Variants in TCF7L1 observed in about 807,000 individuals in gnomAD.
The protein encoded by TCF7L1 is transcription factor 7 like 1.
A neutral mutation model predicts 63.7 loss-of-function variants in TCF7L1; 18 were observed. The ratio of observed to expected loss-of-function variants is 0.28; its 90% CI spans 0.20 to 0.42. The LOEUF is 0.42. Ranked by LOEUF, TCF7L1 falls within the 10% of genes least tolerant of loss-of-function variation. TCF7L1 has a pLI of 1.00. For synonymous variants in TCF7L1, 355 were observed against 340.9 expected, an observed-to-expected ratio of 1.04 and a Z score of -0.46; for missense variants, 654 against 779.3, an observed-to-expected ratio of 0.84 and a Z score of 1.91.
At chr2:85,295,612 T>TTCTC (rs1004641818) in intron 4 of TCF7L1, among the ~76,000 whole-genome samples, 1 of 150,484 alleles carries the variant, frequency 6.6e-6, no homozygotes, top group Non-Finnish European at 1.5e-5. Flanking sequence ...GTGCTTCTCT[T>TTCTC]TCTCTCTCTC....
rs542707503 is a variant in TCF7L1, at chr2:85,301,075, C to T, written c.526-1409C>T. Among the ~76,000 whole-genome samples, 77 of 152,262 alleles carry T rather than the reference C, an allele frequency of 5.1e-4. 1 individual carries two copies. Among genetic ancestry groups the T allele is most frequent in the Non-Finnish European group, 8.7e-4 (59 of 68,016 alleles). On this transcript the variant is annotated intron_variant, in intron 4 of 11. Coordinates refer to ENST00000282111, the MANE Select transcript of TCF7L1 (RefSeq NM_031283.3). The stretch of plus-strand genomic sequence containing the variant: ...GATTACAGGCATGAGTCATCGTGCC[C>T]GGCCACAAATCTCTTTTAAAAAGAA...
intron 3 of TCF7L1, among the ~76,000 whole-genome samples, chr2:85,158,137 G>A (rs771451692): frequency 5.3e-5 from 8 of 152,188 alleles, no homozygotes; most frequent in South Asian, 2.1e-4. Flanking sequence ...GGCAGAAGGC[G>A]GGGCAGGGGC....
At chr2:85,272,418 A>C (rs971985484) in intron 3 of TCF7L1, among the ~76,000 whole-genome samples, 1 of 152,224 alleles carries the variant, frequency 6.6e-6, no homozygotes. Flanking sequence ...TCCAGCGATA[A>C]CATTTGGGTG....
intron 3 of TCF7L1, among the ~76,000 whole-genome samples, chr2:85,167,935 C>T (rs1409289312): frequency 2.0e-5 from 3 of 152,116 alleles, no homozygotes; most frequent in African/African-American, 7.2e-5. Context: ...GGACATCATG[C>T]TAAGTGAAAT....
chr2:85,242,010 G>C (rs61157802), intron 3 of TCF7L1, among the ~76,000 whole-genome samples: 2 of 95,090 alleles, frequency 2.1e-5, no homozygotes, highest in East Asian at 9.3e-4. Flanking sequence ...TTGGGCGGAG[G>C]GGGGCGGTGG....
At chr2:85,293,928 C>T (rs1304426685) in intron 4 of TCF7L1, among the ~76,000 whole-genome samples, 1 of 151,380 alleles carries the variant, frequency 6.6e-6, no homozygotes. Flanking sequence ...GTCTCTTGAG[C>T]AGGCATCGGA....
chr2:85,147,865 A>G (rs1242706426), intron 3 of TCF7L1, among the ~76,000 whole-genome samples: 1 of 152,168 alleles, frequency 6.6e-6, no homozygotes, highest in Non-Finnish European at 1.5e-5. Flanking sequence ...TGGACTTTAA[A>G]TGGGCTTACA....
chr2:85,141,863 T>A (rs1171377867), intron 3 of TCF7L1, among the ~76,000 whole-genome samples: 1 of 152,156 alleles, frequency 6.6e-6, no homozygotes, highest in Non-Finnish European at 1.5e-5. Context: ...TAGTGTGCAT[T>A]GGAGGACCAG....
intron 3 of TCF7L1, among the ~76,000 whole-genome samples, chr2:85,283,091 G>A (rs2104368442): frequency 6.6e-6 from 1 of 151,966 alleles, no homozygotes; most frequent in South Asian, 2.1e-4. Flanking sequence ...AATGGATGGG[G>A]CAGGATGGCC....
chr2:85,290,536 A>G (rs1396892278), intron 4 of TCF7L1, among the ~76,000 whole-genome samples: 2 of 152,218 alleles, frequency 1.3e-5, no homozygotes, highest in African/African-American at 2.4e-5. Flanking sequence ...TAGTTCTGTG[A>G]GTTTTGACAA....
chr2:85,240,603 C>G (rs1680298925), intron 3 of TCF7L1, among the ~76,000 whole-genome samples: 1 of 146,602 alleles, frequency 6.8e-6, no homozygotes, highest in Non-Finnish European at 1.5e-5. Flanking sequence ...CAAACCCCAT[C>G]TCTACTAAAA....
chr2:85,229,272 G>A lies in TCF7L1; in HGVS notation c.442-54223G>A, dbSNP rs545386093. On this transcript the variant is annotated intron_variant, in intron 3 of 11. Transcript: ENST00000282111. ...TGAGGCAGGAAAATCACTTGAACCC[G>A]GGAGGCGGAGCTTGCAGTGAGCTGA... Among the ~76,000 whole-genome samples, 9 of 151,698 alleles carry A rather than the reference G, an allele frequency of 5.9e-5. No homozygotes were observed. In the South Asian group the frequency reaches 1.3e-3, roughly 21 times the overall value.
At chr2:85,143,239 T>C (rs1224881871) in intron 3 of TCF7L1, among the ~76,000 whole-genome samples, 1 of 152,178 alleles carries the variant, frequency 6.6e-6, no homozygotes, top group Non-Finnish European at 1.5e-5. Flanking sequence ...AAAATAAACA[T>C]AAACATGAAA....
chr2:85,285,102 G>A (rs1462288957), intron 4 of TCF7L1, among the ~76,000 whole-genome samples: 9 of 152,130 alleles, frequency 5.9e-5, no homozygotes, highest in African/African-American at 9.6e-5. Flanking sequence ...GCGTGGTGGC[G>A]GGCGCCTGTA....
intron 3 of TCF7L1, among the ~76,000 whole-genome samples, chr2:85,223,149 A>G (rs1363918695): frequency 1.3e-5 from 2 of 152,224 alleles, no homozygotes; most frequent in African/African-American, 4.8e-5. Context: ...TGGTGCAATC[A>G]TAGCTCACTG....
intron 4 of TCF7L1, among the ~76,000 whole-genome samples, chr2:85,300,463 G>T (rs59211453): frequency 0.18 from 27,552 of 152,138 alleles, 3,077 homozygotes; most frequent in African/African-American, 0.3. Context: ...TTAAATTCAT[G>T]ATGCAACATC....
intron 3 of TCF7L1, among the ~76,000 whole-genome samples, chr2:85,158,620 G>A (rs1037359814): frequency 6.6e-5 from 10 of 152,196 alleles, no homozygotes; most frequent in Non-Finnish European, 1.5e-5. Context: ...AGTTTCGGAG[G>A]TGTGATAAAG....
intron 3 of TCF7L1, among the ~76,000 whole-genome samples, chr2:85,245,688 G>A (rs183814252): frequency 2.8e-3 from 431 of 152,128 alleles, no homozygotes; most frequent in Non-Finnish European, 4.3e-3. Context: ...GGTGGTGGGC[G>A]CTTGTAGTCC....
rs565360570 is a variant in TCF7L1, at chr2:85,218,911, C to T, written c.442-64584C>T. Among the ~76,000 whole-genome samples, 3 of 152,318 alleles carry T rather than the reference C, an allele frequency of 2.0e-5. No individual in the cohort carries two copies. In the East Asian group the frequency reaches 5.8e-4, roughly 29 times the overall value. ...AGGAGCACTGGGTCACACCTGTAAT[C>T]CCAATACTTTGGGATGCTGAAGCAG... On this transcript the variant is annotated intron_variant, in intron 3 of 11. Coordinates refer to ENST00000282111, the MANE Select transcript of TCF7L1 (RefSeq NM_031283.3).
Sources: allele counts gnomAD v4.1 joint callset (sites outside exome capture counted in the v4.1 genomes callset), GRCh38; gene constraint gnomAD v4.1.1; transcripts MANE v1.5; gene names NCBI Gene and HGNC (gene_info 2026-07-23, HGNC 2026-07-21).